Variants in IQCM observed in about 807,000 individuals in gnomAD.
IQCM encodes IQ motif containing M.
Under a neutral mutation model 57.6 loss-of-function variants are expected in IQCM, and 45 were observed. The observed-to-expected ratio is 0.78, with a 90% CI of 0.62 to 1.00. The LOEUF (loss-of-function observed/expected upper bound fraction) is 1.00, where lower values mean the gene tolerates loss of function less well. Ranked by LOEUF, IQCM falls within the 50% of genes least tolerant of loss-of-function variation. The pLI, the probability that IQCM is intolerant of heterozygous loss-of-function variation, is 0.00. For missense variants in IQCM, 468 were observed against 511.6 expected, an observed-to-expected ratio of 0.91 and a Z score of 0.82; for synonymous variants, 148 against 158.9, an observed-to-expected ratio of 0.93 and a Z score of 0.51.
intron 12 of IQCM, among the ~76,000 whole-genome samples, chr4:149,492,883 A>C (rs1742245225): frequency 6.6e-6 from 1 of 152,140 alleles, no homozygotes; most frequent in Admixed American, 6.6e-5. Flanking sequence ...GAAGTCCCCA[A>C]ACTCAGAATG....
intron 7 of IQCM, among the ~76,000 whole-genome samples, chr4:149,650,979 G>C (rs1759121924): frequency 1.3e-5 from 2 of 151,864 alleles, no homozygotes; most frequent in South Asian, 4.2e-4. Context: ...TTTTCTTCTT[G>C]GAAATAATCC....
chr4:149,738,172 G>T (rs1047830204), intron 3 of IQCM, among the ~76,000 whole-genome samples: 2 of 152,150 alleles, frequency 1.3e-5, no homozygotes, highest in African/African-American at 4.8e-5. Flanking sequence ...CACAGGCACT[G>T]TGCTCCTGAG....
At chr4:149,355,892 C>G (rs955747243) in intron 13 of IQCM, among the ~76,000 whole-genome samples, 3 of 152,062 alleles carry the variant, frequency 2.0e-5, no homozygotes, top group Non-Finnish European at 4.4e-5. Flanking sequence ...TCTCCACATC[C>G]TCTCCAGCAC....
intron 12 of IQCM, among the ~76,000 whole-genome samples, chr4:149,467,299 G>A (rs938653925): frequency 3.9e-5 from 6 of 152,044 alleles, no homozygotes; most frequent in African/African-American, 1.2e-4. Flanking sequence ...AAGAGTGTTG[G>A]GAACCACATT....
chr4:149,607,129 C>T (rs1302561647), intron 8 of IQCM, among the ~76,000 whole-genome samples: 3 of 151,758 alleles, frequency 2.0e-5, no homozygotes. Flanking sequence ...CAAAGTCTTA[C>T]AGGTCAAGGA....
chr4:149,611,798 T>C, intron 8 of IQCM, among the ~76,000 whole-genome samples: 1 of 152,018 alleles, frequency 6.6e-6, no homozygotes, highest in East Asian at 1.9e-4. Flanking sequence ...TATGGTTAAC[T>C]ATGATTTATT....
At chr4:149,806,993 GATAAA>G (rs1466577558) in intron 2 of IQCM, among the ~76,000 whole-genome samples, 5 of 151,738 alleles carry the variant, frequency 3.3e-5, no homozygotes, top group South Asian at 2.1e-4. Flanking sequence ...ACAAAACACT[GATAAA>G]ATAAATTGAA....
intron 2 of IQCM, among the ~76,000 whole-genome samples, chr4:149,751,254 T>TTTAC (rs1416366742): frequency 2.0e-5 from 3 of 152,152 alleles, no homozygotes; most frequent in Non-Finnish European, 2.9e-5. Flanking sequence ...CTGATGAAAT[T>TTTAC]CCAGAATTTT....
chr4:149,369,957 G>T (rs1730247851), intron 13 of IQCM, among the ~76,000 whole-genome samples: 1 of 152,200 alleles, frequency 6.6e-6, no homozygotes, highest in Non-Finnish European at 1.5e-5. Context: ...GTGCAGTGGT[G>T]CAATTACGGC....
rs965237129 is a variant in IQCM at position 149,682,652 on chromosome 4, T to C, written c.477-446A>G. On this transcript the variant is annotated intron_variant, in intron 6 of 13. Transcript: ENST00000636793. ...AAAGAAAGAAAATAAAAATCTCCCC[T>C]AATCTTATTACCCTGATATTTTAGT... Among the ~76,000 whole-genome samples, 20 of 151,284 alleles carry C rather than the reference T, an allele frequency of 1.3e-4. No individual in the cohort carries two copies. The Middle Eastern group carries it at 0.01, about 77-fold the overall frequency.
At chr4:149,407,463 C>A (rs979801615) in intron 13 of IQCM, among the ~76,000 whole-genome samples, 1 of 152,028 alleles carries the variant, frequency 6.6e-6, no homozygotes, top group African/African-American at 2.4e-5. Context: ...ATATTTCATC[C>A]CTCCCCCTGG....
chr4:149,572,165 A>T (rs1751220099), intron 9 of IQCM, among the ~76,000 whole-genome samples: 1 of 152,114 alleles, frequency 6.6e-6, no homozygotes, highest in Admixed American at 6.6e-5. Flanking sequence ...CAAGAATAGT[A>T]ATAATGTGCA....
intron 13 of IQCM, among the ~76,000 whole-genome samples, chr4:149,386,589 T>G (rs1457242845): frequency 6.6e-6 from 1 of 152,080 alleles, no homozygotes; most frequent in African/African-American, 2.4e-5. Flanking sequence ...AAAGCCATAT[T>G]CAAAACTGTT....
Position 149,555,584 on chromosome 4 carries a change from A to T in IQCM, c.949-2297T>A, listed in dbSNP as rs28640916. Among the ~76,000 whole-genome samples the T allele has an allele frequency of 3.8e-3, 579 of 152,336 alleles. 4 individuals are homozygous for T. The highest frequency in any genetic ancestry group is 0.013 in the African/African-American group (541 of 41,572). On this transcript the variant is annotated intron_variant, in intron 10 of 13. Transcript: ENST00000636793. ...TTTCTGTATAGGATTTGGCTGGATTACTGGGAGCTACCCAGCCTTTACTAT... is the reference window on the plus strand; with the variant it reads ...TTTCTGTATAGGATTTGGCTGGATTTCTGGGAGCTACCCAGCCTTTACTAT...
intron 13 of IQCM, among the ~76,000 whole-genome samples, chr4:149,358,469 G>A (rs1729174844): frequency 6.6e-6 from 1 of 152,142 alleles, no homozygotes; most frequent in South Asian, 2.1e-4. Context: ...TGGTTTCAAA[G>A]AACATCTTTA....
chr4:149,623,024 T>C (rs529985288), intron 7 of IQCM, among the ~76,000 whole-genome samples: 74 of 152,308 alleles, frequency 4.9e-4, no homozygotes, highest in African/African-American at 1.8e-3. Context: ...AGAAGGAGTA[T>C]ATTGAACATT....
rs143486887 is a variant in IQCM, at chr4:149,457,383, C to T, written c.1229-23826G>A. Among the ~76,000 whole-genome samples the T allele has an allele frequency of 2.6e-3, 392 of 152,074 alleles. 4 individuals are homozygous for T. Among genetic ancestry groups the T allele is most frequent in the South Asian group, 0.016 (76 of 4,822 alleles). On this transcript the variant is annotated intron_variant, in intron 12 of 13. Coordinates refer to ENST00000636793, the MANE Select transcript of IQCM (RefSeq NM_001363507.2). Reference sequence around the variant, plus strand: ...TATCATTAGAACAAAAGCAGGGTGACGTAAATGCACCCAAAAGTAGAAGAG... The same window carrying T: ...TATCATTAGAACAAAAGCAGGGTGATGTAAATGCACCCAAAAGTAGAAGAG...
intron 7 of IQCM, among the ~76,000 whole-genome samples, chr4:149,629,709 T>G (rs1185612666): frequency 6.6e-6 from 1 of 152,108 alleles, no homozygotes; most frequent in Non-Finnish European, 1.5e-5. Flanking sequence ...AAAATAAGTC[T>G]ATATAATTTT....
intron 5 of IQCM, among the ~76,000 whole-genome samples, chr4:149,687,849 C>A (rs532289154): frequency 3.7e-4 from 56 of 152,020 alleles, no homozygotes; most frequent in Non-Finnish European, 8.0e-4. Context: ...AAACAAAAAT[C>A]ACATGATCAT....
Sources: allele counts gnomAD v4.1 joint callset (sites outside exome capture counted in the v4.1 genomes callset), GRCh38; gene constraint gnomAD v4.1.1; transcripts MANE v1.5; gene names NCBI Gene and HGNC (gene_info 2026-07-23, HGNC 2026-07-21).